The following ABCB1 variants were observed in gnomAD, a reference collection of about 807,000 sequenced individuals.
The protein encoded by ABCB1 is ATP-dependent translocase ABCB1.
A neutral mutation model predicts 142.0 loss-of-function variants in ABCB1; 69 were observed. That is an observed-to-expected ratio of 0.49 (90% CI 0.40 to 0.59). The LOEUF (loss-of-function observed/expected upper bound fraction) is 0.59, where lower values mean the gene tolerates loss of function less well. Ranked by LOEUF, ABCB1 falls within the 20% of genes least tolerant of loss-of-function variation. The pLI, the probability that ABCB1 is intolerant of heterozygous loss-of-function variation, is 0.00. For missense variants in ABCB1, 1,326 were observed against 1,554.7 expected, an observed-to-expected ratio of 0.85 and a Z score of 2.47; for synonymous variants, 532 against 539.2, an observed-to-expected ratio of 0.99 and a Z score of 0.18.
chr7:87,518,637 A>G (rs1266636594), intron 23 of ABCB1, among the ~76,000 whole-genome samples: 2 of 152,236 alleles, frequency 1.3e-5, no homozygotes, highest in Non-Finnish European at 2.9e-5. Context: ...ATATAAAATT[A>G]TATCGCTACT....
intron 18 of ABCB1, 94 bp downstream of exon 18, chr7:87,541,263 A>G (rs1416856540): frequency 3.5e-6 from 3 of 866,040 alleles, no homozygotes; most frequent in East Asian, 5.1e-5. Context: ...GAGAAGTTCT[A>G]CTAAAAGGCC....
intron 8 of ABCB1, among the ~76,000 whole-genome samples, chr7:87,560,572 C>T (rs1450005944): frequency 1.3e-5 from 2 of 152,046 alleles, no homozygotes; most frequent in East Asian, 3.8e-4. Flanking sequence ...TGTATAACCC[C>T]CTTAACCAAT....
intron 1 of ABCB1, among the ~76,000 whole-genome samples, chr7:87,663,839 G>T (rs984362866): frequency 6.6e-6 from 1 of 152,130 alleles, no homozygotes; most frequent in African/African-American, 2.4e-5. Flanking sequence ...CTTCTGGCTT[G>T]TAGGTGGTTG....
intron 1 of ABCB1, among the ~76,000 whole-genome samples, chr7:87,643,882 T>G (rs1822706443): frequency 6.6e-6 from 1 of 150,546 alleles, no homozygotes; most frequent in Non-Finnish European, 1.5e-5. Context: ...CTTTTTTTGT[T>G]TGTTTCCGCT....
intron 4 of ABCB1, among the ~76,000 whole-genome samples, chr7:87,574,785 C>G (rs1818206181): frequency 6.6e-6 from 1 of 152,200 alleles, no homozygotes; most frequent in Non-Finnish European, 1.5e-5. Flanking sequence ...TAGTAATTGA[C>G]AGATGATTCA....
intron 3 of ABCB1, among the ~76,000 whole-genome samples, chr7:87,586,773 T>G (rs990265304): frequency 6.6e-6 from 1 of 152,230 alleles, no homozygotes; most frequent in Admixed American, 6.5e-5. Flanking sequence ...GATTTGGTAC[T>G]GGACTGCCGA....
intron 8 of ABCB1, among the ~76,000 whole-genome samples, chr7:87,558,439 T>G (rs902790745): frequency 2.0e-5 from 3 of 152,208 alleles, no homozygotes; most frequent in Non-Finnish European, 4.4e-5. Flanking sequence ...TACTGGAATT[T>G]CTGTGTAGAC....
chr7:87,651,556 A>G (rs1823571883), intron 1 of ABCB1, among the ~76,000 whole-genome samples: 1 of 152,150 alleles, frequency 6.6e-6, no homozygotes, highest in South Asian at 2.1e-4. Context: ...AATAAGTACT[A>G]ACTTTATCAC....
intron 8 of ABCB1, among the ~76,000 whole-genome samples, chr7:87,560,142 C>T (rs73198396): frequency 0.013 from 2,018 of 152,092 alleles, 29 homozygotes; most frequent in Non-Finnish European, 0.018. Context: ...CCATGAGAGC[C>T]GGGGATTTAT....
At position 87,703,914 on chromosome 7, in the gene ABCB1, G is replaced by GTTTTTTTTTTTTTTTTTTTT. The variant is rs35797972; in HGVS notation, c.-331+9227_-331+9246dup. 1.3e-3 allele frequency among the ~76,000 whole-genome samples: 57 copies of GTTTTTTTTTTTTTTTTTTTT among 42,974 alleles called. 1 individual carries two copies. The highest frequency in any genetic ancestry group is 2.5e-3 in the East Asian group (3 of 1,206). The allele number at this position is 42,974 out of a possible 152,430, so 28.2% of individuals were successfully genotyped here. Reference sequence around the variant, plus strand: ...TTTTTTTTTTTTTTTTTTTTTTTTGGTTTTTTTTTTTTTTTTTTTTTTTTT... The same window carrying GTTTTTTTTTTTTTTTTTTTT: ...TTTTTTTTTTTTTTTTTTTTTTTTGGTTTTTTTTTTTTTTTTTTTTTTTTTTTTTTTTTTTTTTTTTTTTT... On this transcript the variant is annotated intron_variant, in intron 1 of 28. Coordinates refer to the ABCB1 transcript ENST00000265724.
chr7:87,604,622 A>G (rs1223523159), upstream of ABCB1, among the ~76,000 whole-genome samples: 4 of 152,046 alleles, frequency 2.6e-5, no homozygotes, highest in Admixed American at 2.6e-4. Context: ...GGACACCTGC[A>G]TTGAAAAAAA....
At chr7:87,591,804 A>T (rs1221833846) in intron 3 of ABCB1, among the ~76,000 whole-genome samples, 2 of 152,198 alleles carry the variant, frequency 1.3e-5, no homozygotes, top group South Asian at 2.1e-4. Context: ...GCATGAGAAT[A>T]AAAAAAATTT....
chr7:87,701,929 G>A (rs1480265237), intron 1 of ABCB1, among the ~76,000 whole-genome samples: 1 of 151,932 alleles, frequency 6.6e-6, no homozygotes, highest in Non-Finnish European at 1.5e-5. Flanking sequence ...GGATCACGAG[G>A]TCAGGAGATC....
intron 3 of ABCB1, among the ~76,000 whole-genome samples, chr7:87,591,008 T>C (rs1818979176): frequency 6.6e-6 from 1 of 152,156 alleles, no homozygotes; most frequent in South Asian, 2.1e-4. Flanking sequence ...TGTGAATATA[T>C]TTCTTTACAT....
chr7:87,700,706 A>AAT (rs112670959), intron 1 of ABCB1: 21,386 of 671,884 alleles, frequency 0.032, 417 homozygotes, highest in Middle Eastern at 0.04. Context: ...ACATTTCTTG[A>AAT]ATTATCTAAA....
intron 1 of ABCB1, among the ~76,000 whole-genome samples, chr7:87,611,630 C>A (rs901383009): frequency 2.6e-5 from 4 of 151,722 alleles, no homozygotes; most frequent in African/African-American, 9.7e-5. Flanking sequence ...TGTTAATAAG[C>A]ACCTAGGTTG....
intron 1 of ABCB1, among the ~76,000 whole-genome samples, chr7:87,704,354 C>T (rs1829408692): frequency 6.6e-6 from 1 of 152,150 alleles, no homozygotes; most frequent in Non-Finnish European, 1.5e-5. Flanking sequence ...CTAGATGCTA[C>T]ATAAACATTC....
At chr7:87,517,559 A>G (rs891225516) in intron 23 of ABCB1, among the ~76,000 whole-genome samples, 3 of 152,142 alleles carry the variant, frequency 2.0e-5, no homozygotes, top group Admixed American at 6.5e-5. Context: ...CAGCTAACCC[A>G]TAGGTTTGTG....
At chr7:87,555,638 C>G (rs1817274943) in intron 8 of ABCB1, among the ~76,000 whole-genome samples, 1 of 152,028 alleles carries the variant, frequency 6.6e-6, no homozygotes, top group South Asian at 2.1e-4. Flanking sequence ...TAGTTTCTAC[C>G]CCCCAAAATG....
Sources: allele counts gnomAD v4.1 joint callset (sites outside exome capture counted in the v4.1 genomes callset), GRCh38; gene constraint gnomAD v4.1.1; transcripts MANE v1.5; gene names NCBI Gene and HGNC (gene_info 2026-07-23, HGNC 2026-07-21).